Variants in FAM135B observed in about 807,000 individuals in gnomAD.
FAM135B encodes the protein family with sequence similarity 135 member B.
A neutral mutation model predicts 127.7 loss-of-function variants in FAM135B; 43 were observed. The observed-to-expected ratio is 0.34, with a 90% CI of 0.26 to 0.43. The LOEUF is 0.43. Among genes scored for constraint, FAM135B ranks in the 20% least tolerant of loss-of-function variants. The pLI is 1.00. For missense variants in FAM135B, 1,558 were observed against 1,725.6 expected, an observed-to-expected ratio of 0.90 and a Z score of 1.72; for synonymous variants, 670 against 665.1, an observed-to-expected ratio of 1.01 and a Z score of -0.11.
intron 17 of FAM135B, among the ~76,000 whole-genome samples, chr8:138,140,597 T>A (rs1281815310): frequency 6.6e-6 from 1 of 152,184 alleles, no homozygotes; most frequent in African/African-American, 2.4e-5. Context: ...CTCCCATAGA[T>A]GTTAGTCAAC....
intron 1 of FAM135B, among the ~76,000 whole-genome samples, chr8:138,470,186 G>C (rs113887902): frequency 3.3e-5 from 5 of 152,212 alleles, no homozygotes; most frequent in Middle Eastern, 3.4e-3. Flanking sequence ...CCTAAGACAG[G>C]AGAAAACACA....
chr8:138,368,185 A>G (rs1830881906), intron 1 of FAM135B, among the ~76,000 whole-genome samples, 183 bp from the exon 2 acceptor site: 1 of 152,188 alleles, frequency 6.6e-6, no homozygotes, highest in African/African-American at 2.4e-5. Context: ...TGACTTGCCT[A>G]CTGTCACAGC....
intron 2 of FAM135B, among the ~76,000 whole-genome samples, chr8:138,352,529 C>G (rs1023428691): frequency 6.6e-6 from 1 of 152,162 alleles, no homozygotes; most frequent in Non-Finnish European, 1.5e-5. Context: ...CTCCTGGGAG[C>G]CAGGCATCCA....
chr8:138,250,696 C>T (rs1208638238), intron 6 of FAM135B, 145 bp downstream of exon 6: 3 of 874,890 alleles, frequency 3.4e-6, no homozygotes, highest in Non-Finnish European at 5.2e-6. Flanking sequence ...TCGCATGCTC[C>T]TCAGTGAGGC....
In FAM135B at chr8:138,398,814, G is replaced by T. The variant is rs80104076; in HGVS notation, c.-19-30812C>A. Among the ~76,000 whole-genome samples, 178 of 152,210 alleles carry T rather than the reference G, an allele frequency of 1.2e-3. 2 individuals are homozygous for T. In the East Asian group the frequency reaches 0.031, roughly 27 times the overall value. On this transcript the variant is annotated intron_variant, in intron 1 of 19. Transcript: ENST00000395297. ...CTAACAAGAAGGTAGTGAGATACTC[G>T]GTCTTCATATATATTTAGTCCTCAA... is the stretch of plus-strand genomic sequence containing the variant.
At chr8:138,369,919 C>T (rs2131228622) in intron 1 of FAM135B, among the ~76,000 whole-genome samples, 1 of 152,306 alleles carries the variant, frequency 6.6e-6, no homozygotes. Flanking sequence ...CAGTTCCCCT[C>T]CTGATCTCTG....
At chr8:138,416,428 C>T (rs372689519) in intron 1 of FAM135B, among the ~76,000 whole-genome samples, 4 of 152,252 alleles carry the variant, frequency 2.6e-5, no homozygotes, top group African/African-American at 9.6e-5. Context: ...TTCATCCAGT[C>T]TAATACAGCT....
chr8:138,151,900 C>T lies in FAM135B; in HGVS notation c.2575G>A (p.Gly859Arg), dbSNP rs752768404. The T allele has an allele frequency of 3.7e-6, 6 of 1,614,020 alleles. No homozygotes were observed. In the South Asian group the frequency reaches 5.5e-5, roughly 15 times the overall value. ...GTCCTGCCATCAGGAAGACAGTGTC[C>T]TTGAGCATCAAACTGCTTCCCTTTC... The part of the protein sequence containing the change: ...KGKGKQFDAQ[G>R]HCLPDGRTEN... The change falls in exon 13 of 20, where the codon GGA (glycine) becomes AGA (arginine). Residue 859 changes from glycine (G) to arginine (R), a missense_variant. Transcript: ENST00000395297.
intron 1 of FAM135B, among the ~76,000 whole-genome samples, chr8:138,447,743 C>T (rs1836266094): frequency 6.6e-6 from 1 of 150,896 alleles, no homozygotes; most frequent in African/African-American, 2.4e-5. Context: ...ACCAACATGG[C>T]ACATGTATAC....
chr8:138,494,405 G>T (rs1815308453), intron 1 of FAM135B, among the ~76,000 whole-genome samples: 1 of 152,214 alleles, frequency 6.6e-6, no homozygotes, highest in Non-Finnish European at 1.5e-5. Flanking sequence ...TCAACAGAAA[G>T]GACAGGTATG....
intron 7 of FAM135B, among the ~76,000 whole-genome samples, chr8:138,220,365 G>C (rs914082647): frequency 6.6e-6 from 1 of 152,116 alleles, no homozygotes; most frequent in African/African-American, 2.4e-5. Flanking sequence ...GGCACCTTGG[G>C]AAGGTCCTAC....
chr8:138,261,400 ATCT>A lies in FAM135B; in HGVS notation c.297+4300_297+4302del, dbSNP rs1226007324. ...CAAGCATTTTGTTGTTAATAATTGT[ATCT>A]TCTTCTTTGCTTTGCCTGCTAGGAG... On this transcript the variant is annotated intron_variant, in intron 4 of 19. Coordinates refer to ENST00000395297, the MANE Select transcript of FAM135B (RefSeq NM_015912.4). Among the ~76,000 whole-genome samples the A allele has an allele frequency of 5.3e-5, 8 of 152,098 alleles. No homozygotes were observed. In the South Asian group the frequency reaches 1.5e-3, roughly 28 times the overall value.
chr8:138,142,355 C>T (rs1204700828), intron 16 of FAM135B, among the ~76,000 whole-genome samples: 2 of 124,948 alleles, frequency 1.6e-5, no homozygotes, highest in Non-Finnish European at 3.1e-5. Flanking sequence ...GGCTGGAGTG[C>T]AGTGGCGCAA....
chr8:138,294,636 A>C (rs1265424586), intron 3 of FAM135B, among the ~76,000 whole-genome samples: 1 of 152,210 alleles, frequency 6.6e-6, no homozygotes, highest in East Asian at 1.9e-4. Flanking sequence ...TAACATAATT[A>C]ATGAAATAGC....
chr8:138,161,654 C>G (rs115185880), intron 12 of FAM135B, among the ~76,000 whole-genome samples: 1 of 152,114 alleles, frequency 6.6e-6, no homozygotes. Flanking sequence ...AGACATGATG[C>G]CTTTGAATGA....
intron 3 of FAM135B, among the ~76,000 whole-genome samples, chr8:138,288,161 A>C (rs545615385): frequency 2.6e-5 from 4 of 152,304 alleles, no homozygotes; most frequent in Non-Finnish European, 5.9e-5. Flanking sequence ...GAAACCAATA[A>C]GGTTTGTTCA....
chr8:138,155,217 A>T (rs1165696221), intron 12 of FAM135B, among the ~76,000 whole-genome samples: 1 of 152,206 alleles, frequency 6.6e-6, no homozygotes, highest in Non-Finnish European at 1.5e-5. Flanking sequence ...TGAAGGAGAA[A>T]TAAAATCCTT....
intron 11 of FAM135B, among the ~76,000 whole-genome samples, chr8:138,175,157 T>C (rs1029382010): frequency 1.3e-5 from 2 of 152,210 alleles, no homozygotes; most frequent in African/African-American, 4.8e-5. Context: ...AGTCATTTGC[T>C]GGTAAAAGAA....
rs545184031 is a variant in FAM135B at position 138,389,115 on chromosome 8, T to C, written c.-19-21113A>G. ...ACACACACAATGAGATATCACTTCATAGCCACTAGGATGGCCATAATTTAA... is the reference window on the plus strand; with the variant it reads ...ACACACACAATGAGATATCACTTCACAGCCACTAGGATGGCCATAATTTAA... On this transcript the variant is annotated intron_variant, in intron 1 of 19. Transcript: ENST00000395297. Among the ~76,000 whole-genome samples the C allele has an allele frequency of 1.5e-4, 23 of 152,328 alleles. No individual in the cohort carries two copies. In the South Asian group the frequency reaches 3.1e-3, roughly 21 times the overall value.
Sources: allele counts gnomAD v4.1 joint callset (sites outside exome capture counted in the v4.1 genomes callset), GRCh38; gene constraint gnomAD v4.1.1; transcripts MANE v1.5; gene names NCBI Gene and HGNC (gene_info 2026-07-23, HGNC 2026-07-21).